STAB2: variants seen among roughly 807,000 people sequenced by gnomAD.
STAB2 encodes stabilin 2, also known as stabilin-2.
A neutral mutation model predicts 338.1 loss-of-function variants in STAB2; 288 were observed. The observed-to-expected ratio is 0.85, with a 90% confidence interval of 0.77 to 0.94. The LOEUF (loss-of-function observed/expected upper bound fraction) is 0.94, where lower values mean the gene tolerates loss of function less well. Among genes scored for constraint, STAB2 ranks in the 40% least tolerant of loss-of-function variants. The pLI is 0.00. For synonymous variants in STAB2, 1,202 were observed against 1,193.3 expected (o/e 1.01, Z -0.15); for missense variants, 3,141 against 3,210.1 (o/e 0.98, Z 0.52).
At chr12:103,747,933 T>G (rs1030517623) in intron 58 of STAB2, among the ~76,000 whole-genome samples, 1 of 146,662 alleles carries the variant, frequency 6.8e-6, no homozygotes, top group African/African-American at 2.6e-5. Context: ...AGGCAGAGGT[T>G]GCAGTGAGCT....
intron 3 of STAB2, among the ~76,000 whole-genome samples, chr12:103,595,875 GTGTTGGTAA>G (rs1956867590): frequency 1.3e-5 from 2 of 152,176 alleles, no homozygotes; most frequent in Non-Finnish European, 1.5e-5. Flanking sequence ...GCCTCAAAAT[GTGTTGGTAA>G]TGTCTTTTTT....
chr12:103,755,645 G>C lies in STAB2; in HGVS notation c.6914G>C (p.Gly2305Ala). ...TGCACCTGCAAGGTGGGCTATGTGG[G>C]AGATGGCTTCTCATGCAGTGGGAAC... ...VNCTCKVGYV[G>A]DGFSCSGNLL... Residue 2305 changes from glycine (G) to alanine (A), a missense_variant, in exon 63 of 69, where the codon GGA (glycine) becomes GCA (alanine). Coordinates refer to ENST00000388887, the MANE Select transcript of STAB2 (RefSeq NM_017564.10). The C allele has an allele frequency of 6.2e-7, 1 of 1,614,194 alleles. No individual in the cohort carries two copies. The highest frequency in any genetic ancestry group is 8.5e-7 in the Non-Finnish European group (1 of 1,180,046).
chr12:103,704,138 T>C (rs927613561), intron 35 of STAB2, among the ~76,000 whole-genome samples: 2 of 152,246 alleles, frequency 1.3e-5, no homozygotes, highest in Admixed American at 6.5e-5. Context: ...TGTGAACTTT[T>C]ACTCTTTGTT....
intron 3 of STAB2, among the ~76,000 whole-genome samples, chr12:103,595,188 A>G (rs1033801340): frequency 6.6e-6 from 1 of 152,164 alleles, no homozygotes; most frequent in Non-Finnish European, 1.5e-5. Context: ...TGACTGAGTC[A>G]TTTCTACCTG....
At chr12:103,657,794 G>C (rs1056872549) in intron 15 of STAB2, 2 of 152,152 alleles carry the variant, frequency 1.3e-5, no homozygotes, top group Non-Finnish European at 2.9e-5. Flanking sequence ...GGTACAGAGG[G>C]GTTAATTTTT....
intron 31 of STAB2, among the ~76,000 whole-genome samples, chr12:103,694,928 G>C (rs1208257191): frequency 6.6e-6 from 1 of 151,996 alleles, no homozygotes; most frequent in Non-Finnish European, 1.5e-5. Flanking sequence ...AGGGAGTGGT[G>C]GAGCCTATAA....
intron 65 of STAB2, 82 bp from the exon 66 acceptor site, chr12:103,761,218 T>A: frequency 2.3e-6 from 3 of 1,331,806 alleles, no homozygotes; most frequent in East Asian, 4.6e-5. Flanking sequence ...TCAGGGGCCT[T>A]GGGAAAATTG....
chr12:103,609,540 A>G (rs1367612185), intron 3 of STAB2, among the ~76,000 whole-genome samples: 1 of 152,186 alleles, frequency 6.6e-6, no homozygotes, highest in Non-Finnish European at 1.5e-5. Flanking sequence ...TTGATTTTGT[A>G]TCCTGAGACT....
rs1229153990 is a variant in STAB2, at chr12:103,699,179, C to T, written c.3666C>T (p.Thr1222=). The change falls in exon 34 of 69, where the codon ACC becomes ACT. Residue 1222 remains threonine, a synonymous_variant. Coordinates refer to ENST00000388887, the MANE Select transcript of STAB2 (RefSeq NM_017564.10). ...TGCACAATGGCATGCATCGTGAGAC[C>T]ATGCTGGGTTTCTCCTATTTCCTTA... is the stretch of plus-strand genomic sequence containing the variant. ...NDLHNGMHRE[T]MLGFSYFLSF... 1 of 1,613,112 alleles carries T rather than the reference C, an allele frequency of 6.2e-7. No homozygotes were observed. Among genetic ancestry groups the T allele is most frequent in the Non-Finnish European group, 8.5e-7 (1 of 1,179,422 alleles).
chr12:103,680,872 T>C (rs1355607999), intron 25 of STAB2, among the ~76,000 whole-genome samples: 1 of 152,254 alleles, frequency 6.6e-6, no homozygotes, highest in Non-Finnish European at 1.5e-5. Flanking sequence ...CCCTTATCTA[T>C]TCATTTGCTC....
At position 103,693,918 on chromosome 12, in the gene STAB2, C is replaced by T. The variant is rs1034430170; in HGVS notation, c.3375+1029C>T. On this transcript the variant is annotated intron_variant, in intron 31 of 68. Transcript: ENST00000388887. ...TTGTAATTCCAGCACTTTGGGAGGC[C>T]GAGGCGGGCGGATCACAAGGTCAAG... Among the ~76,000 whole-genome samples the T allele has an allele frequency of 5.9e-5, 9 of 151,576 alleles. No individual in the cohort carries two copies. In the East Asian group the frequency reaches 7.7e-4, roughly 13 times the overall value.
Position 103,685,012 on chromosome 12 carries a change from T to C in STAB2, c.2925T>C (p.Ser975=). The C allele has an allele frequency of 1.2e-6, 2 of 1,614,016 alleles. No individual in the cohort carries two copies. The highest frequency in any genetic ancestry group is 1.7e-6 in the Non-Finnish European group (2 of 1,179,890). The change falls in exon 27 of 69, where the codon TCT becomes TCC. Residue 975 remains serine (S), a synonymous_variant. Transcript: ENST00000388887. ...AGGCAAGCTGTCAATCTACTTCGTC[T>C]GGTGTCTGGAGCTGTGTTTGTCAAG... ...HPLASCQSTS[S]GVWSCVCQEG...
chr12:103,718,864 G>A (rs1240076570), intron 44 of STAB2, among the ~76,000 whole-genome samples: 3 of 152,150 alleles, frequency 2.0e-5, no homozygotes, highest in African/African-American at 7.2e-5. Flanking sequence ...AGTTTCCTTG[G>A]ATGGTTATAA....
intron 28 of STAB2, among the ~76,000 whole-genome samples, chr12:103,689,402 G>C (rs978913898): frequency 2.6e-5 from 4 of 151,670 alleles, no homozygotes; most frequent in Non-Finnish European, 4.4e-5. Context: ...AGAATTGCTT[G>C]AACCTGGGAG....
intron 35 of STAB2, among the ~76,000 whole-genome samples, 155 bp downstream of exon 35, chr12:103,703,431 C>CT (rs1879077926): frequency 6.6e-6 from 1 of 152,142 alleles, no homozygotes; most frequent in Non-Finnish European, 1.5e-5. Context: ...GCATACCAGG[C>CT]TGTGGTTCTA....
At chr12:103,718,434 G>A (rs929902264) in intron 44 of STAB2, among the ~76,000 whole-genome samples, 41 of 152,146 alleles carry the variant, frequency 2.7e-4, no homozygotes, top group African/African-American at 9.9e-4. Flanking sequence ...GCATTGAGCA[G>A]GGGTTCATAT....
intron 42 of STAB2, among the ~76,000 whole-genome samples, chr12:103,714,740 TA>T (rs1294470350): frequency 3.3e-5 from 5 of 152,072 alleles, no homozygotes; most frequent in African/African-American, 1.2e-4. Context: ...TCTTTGTATA[TA>T]TACATTTTTA....
chr12:103,725,497 T>A (rs535078292), intron 45 of STAB2, among the ~76,000 whole-genome samples: 7 of 152,242 alleles, frequency 4.6e-5, no homozygotes, highest in Non-Finnish European at 1.0e-4. Context: ...GAGTGCTCAA[T>A]AGCTCAACCA....
rs368823083 is a variant in STAB2, at chr12:103,649,591, G to A, written c.1174+768G>A. 2.0e-3 allele frequency among the ~76,000 whole-genome samples: 311 copies of A among 152,302 alleles called. 2 individuals are homozygous for A. The highest frequency in any genetic ancestry group is 7.2e-3 in the African/African-American group (298 of 41,574). ...TTGGAATTTACCAGTTGCCAAAAAT[G>A]ATCTCCCAGCAAGAACATAGATAAA... On this transcript the variant is annotated intron_variant, in intron 10 of 68. Transcript: ENST00000388887.
Sources: allele counts gnomAD v4.1 joint callset (sites outside exome capture counted in the v4.1 genomes callset), GRCh38; gene constraint gnomAD v4.1.1; transcripts MANE v1.5; gene names NCBI Gene and HGNC (gene_info 2026-07-23, HGNC 2026-07-21).